The following CLEC12A variants were observed in gnomAD, a reference collection of about 807,000 sequenced individuals.
The protein encoded by CLEC12A is C-type lectin domain family 12 member A, also known as C-type lectin protein CLL-1.
Under a neutral mutation model 26.5 loss-of-function variants are expected in CLEC12A, and 22 were observed. The observed-to-expected ratio is 0.83, with a 90% CI of 0.59 to 1.19. CLEC12A has a LOEUF of 1.19. Ranked by LOEUF, CLEC12A falls within the 50% of genes most tolerant of loss-of-function variation. CLEC12A has a pLI of 0.00. For missense variants in CLEC12A, 353 were observed against 315.6 expected (o/e 1.12, Z -0.90); for synonymous variants, 119 against 101.9 (o/e 1.17, Z -1.01).
At chr12:9,978,398 A>G (rs1174598271) in intron 1 of CLEC12A, among the ~76,000 whole-genome samples, 1 of 126,954 alleles carries the variant, frequency 7.9e-6, no homozygotes, top group Non-Finnish European at 1.7e-5. Flanking sequence ...TGCAATAAAA[A>G]TGGTGTAGAT....
chr12:9,981,716 T>C (rs1023605776), intron 4 of CLEC12A, among the ~76,000 whole-genome samples: 3 of 152,118 alleles, frequency 2.0e-5, no homozygotes, highest in Non-Finnish European at 4.4e-5. Flanking sequence ...CTGGACACAA[T>C]ATTTACTGCT....
intron 1 of CLEC12A, among the ~76,000 whole-genome samples, chr12:9,956,141 C>G (rs752777427): frequency 6.6e-6 from 1 of 152,102 alleles, no homozygotes; most frequent in African/African-American, 2.4e-5. Context: ...AAATCAAAAC[C>G]TCTCATCCAA....
chr12:10,005,164 G>A, the CLEC12A span, among the ~76,000 whole-genome samples: 1 of 152,070 alleles, frequency 6.6e-6, no homozygotes, highest in Admixed American at 6.6e-5. Flanking sequence ...AGATGTCCAA[G>A]GCACAATTCT....
intron 1 of CLEC12A, 87 bp downstream of exon 1, chr12:9,971,774 C>T (rs2961542): frequency 0.55 from 605,661 of 1,093,278 alleles, 169,650 homozygotes; most frequent in South Asian, 0.69. Flanking sequence ...GATATAGTTA[C>T]TATTCAACTT....
intron 4 of CLEC12A, chr12:9,992,154 CT>C (rs1452303905): frequency 1.3e-5 from 2 of 152,116 alleles, no homozygotes; most frequent in African/African-American, 2.4e-5. Flanking sequence ...TCCACATATT[CT>C]GTAAATACTT....
chr12:9,971,293 T>C, upstream of CLEC12A: 1 of 553,652 alleles, frequency 1.8e-6, no homozygotes, highest in South Asian at 7.3e-5. Context: ...TTTCAAAAAC[T>C]ACTTTCTGTA....
chr12:9,999,712 T>C (rs1245556392), downstream of CLEC12A, among the ~76,000 whole-genome samples: 2 of 152,216 alleles, frequency 1.3e-5, no homozygotes, highest in South Asian at 4.1e-4. Flanking sequence ...GCAGGCCTGA[T>C]ATTGCTTAGA....
At chr12:9,979,710 T>C (rs1864476576) in intron 3 of CLEC12A, among the ~76,000 whole-genome samples, 186 bp downstream of exon 3, 1 of 152,158 alleles carries the variant, frequency 6.6e-6, no homozygotes, top group East Asian at 1.9e-4. Flanking sequence ...ACAGAAAAAG[T>C]AGTAACAACA....
At chr12:9,988,858 G>T (rs192083981), downstream of CLEC12A, among the ~76,000 whole-genome samples, 1 of 152,138 alleles carries the variant, frequency 6.6e-6, no homozygotes, top group Admixed American at 6.5e-5. Context: ...CCATCCCATT[G>T]CTGGGTATAT....
At chr12:9,989,580 T>C (rs1317927735), downstream of CLEC12A, among the ~76,000 whole-genome samples, 1 of 152,018 alleles carries the variant, frequency 6.6e-6, no homozygotes, top group Non-Finnish European at 1.5e-5. Flanking sequence ...ACAGAAGAAA[T>C]GTTGGAAGCT....
At chr12:9,983,579 T>G in intron 5 of CLEC12A, 1 of 681,352 alleles carries the variant, frequency 1.5e-6, no homozygotes, top group Non-Finnish European at 2.6e-6. Flanking sequence ...CTGGACACTA[T>G]TGGAAGTCCA....
At chr12:9,988,061 T>C (rs1001261535), downstream of CLEC12A, among the ~76,000 whole-genome samples, 1 of 152,152 alleles carries the variant, frequency 6.6e-6, no homozygotes, top group Non-Finnish European at 1.5e-5. Flanking sequence ...ACATGATTGA[T>C]TTTGAAATGT....
chr12:9,961,943 A>G lies in CLEC12A; in HGVS notation c.11-9634A>G, dbSNP rs144015194. On this transcript the variant is annotated intron_variant, in intron 1 of 6. Coordinates refer to the CLEC12A transcript ENST00000355690. ...TGAAGCTCTAGGTATGTTTGTGCTAATAGGAAGAATAGGCAAAAGATTTAA... is the reference window on the plus strand; with the variant it reads ...TGAAGCTCTAGGTATGTTTGTGCTAGTAGGAAGAATAGGCAAAAGATTTAA... Among the ~76,000 whole-genome samples the G allele has an allele frequency of 1.9e-4, 29 of 152,318 alleles. 1 individual carries two copies. In the East Asian group the frequency reaches 5.6e-3, roughly 29 times the overall value.
exon 5 of CLEC12A, chr12:9,995,094 AAG>A: frequency 1.2e-6 from 2 of 1,604,930 alleles, no homozygotes; most frequent in Non-Finnish European, 1.7e-6. Context: ...TCTCAAGAAT[AAG>A]AGTTTCCAGT....
chr12:9,982,063 G>A lies in CLEC12A; in HGVS notation c.575G>A (p.Gly192Glu), dbSNP rs2137194579. 6.2e-7 allele frequency: 1 copy of A among 1,600,754 alleles called. No homozygotes were observed. Reference protein sequence around the residue: ...SQSRSYDYWLGLSPEEDSTRG... With the variant: ...SQSRSYDYWLELSPEEDSTRG... The stretch of plus-strand genomic sequence containing the variant: ...AGTAGATCATATGACTATTGGCTGG[G>A]ATTATCTCCTGAAGAAGATTCCACT... Residue 192 changes from glycine to glutamate, a missense_variant, in exon 5 of 6, where the codon GGA (glycine) becomes GAA (glutamate). Transcript: ENST00000304361.
At chr12:9,985,738 A>G (rs117141754), downstream of CLEC12A, 1,126 of 333,528 alleles carry the variant, frequency 3.4e-3, 20 homozygotes, top group East Asian at 0.046. Flanking sequence ...TATCTCCATA[A>G]CTCATAACTG....
chr12:9,987,089 A>G (rs889773045), downstream of CLEC12A, among the ~76,000 whole-genome samples: 1 of 152,238 alleles, frequency 6.6e-6, no homozygotes, highest in East Asian at 1.9e-4. Flanking sequence ...CTCAAAAGAA[A>G]AAGATTTTGT....
downstream of CLEC12A, among the ~76,000 whole-genome samples, chr12:10,000,664 A>G (rs950936506): frequency 1.3e-5 from 2 of 152,190 alleles, no homozygotes; most frequent in African/African-American, 2.4e-5. Flanking sequence ...CTTACCATTC[A>G]TCTACCACTG....
At chr12:9,979,183 A>G in intron 2 of CLEC12A, 119 bp downstream of exon 2, 1 of 983,666 alleles carries the variant, frequency 1.0e-6, no homozygotes. Flanking sequence ...GCCCACAAGG[A>G]GGACTTACAA....
Sources: allele counts gnomAD v4.1 joint callset (sites outside exome capture counted in the v4.1 genomes callset), GRCh38; gene constraint gnomAD v4.1.1; transcripts MANE v1.5; gene names NCBI Gene and HGNC (gene_info 2026-07-23, HGNC 2026-07-21).